NRG3: variants seen among roughly 807,000 people sequenced by gnomAD.
NRG3 encodes the protein pro-neuregulin-3, membrane-bound isoform.
A neutral mutation model predicts 66.9 loss-of-function variants in NRG3; 31 were observed. The observed-to-expected ratio is 0.46, with a 90% confidence interval of 0.35 to 0.63. The LOEUF (loss-of-function observed/expected upper bound fraction) is 0.63. Ranked by LOEUF, NRG3 falls within the 20% of genes least tolerant of loss-of-function variation. The pLI is 0.00. For synonymous variants in NRG3, 393 were observed against 359.4 expected, an observed-to-expected ratio of 1.09 and a Z score of -1.06; for missense variants, 910 against 878.9, an observed-to-expected ratio of 1.04 and a Z score of -0.45.
chr10:82,679,493 G>A (rs958164707), intron 2 of NRG3, among the ~76,000 whole-genome samples: 1 of 152,160 alleles, frequency 6.6e-6, no homozygotes, highest in Non-Finnish European at 1.5e-5. Context: ...GCCAGGAACT[G>A]TTCTAAGTCT....
chr10:81,987,711 G>C (rs1174799014), intron 1 of NRG3, among the ~76,000 whole-genome samples: 1 of 152,180 alleles, frequency 6.6e-6, no homozygotes, highest in African/African-American at 2.4e-5. Flanking sequence ...TATGTGACTA[G>C]GAAATTATCA....
intron 1 of NRG3, among the ~76,000 whole-genome samples, chr10:82,014,209 G>C (rs1405367814): frequency 2.0e-5 from 3 of 152,272 alleles, no homozygotes; most frequent in African/African-American, 4.8e-5. Flanking sequence ...AGACTGGGCA[G>C]TTCCTCTGTG....
At chr10:82,580,597 T>C (rs1339254590) in intron 2 of NRG3, among the ~76,000 whole-genome samples, 2 of 152,046 alleles carry the variant, frequency 1.3e-5, no homozygotes, top group Non-Finnish European at 2.9e-5. Context: ...TATTTTTTAC[T>C]GTCTCTATAG....
At chr10:82,707,749 C>T (rs1250157057) in intron 2 of NRG3, among the ~76,000 whole-genome samples, 1 of 147,500 alleles carries the variant, frequency 6.8e-6, no homozygotes, top group Non-Finnish European at 1.5e-5. Context: ...TGGCTCATGC[C>T]TGTAATTCCA....
At chr10:82,914,544 G>T (rs1258727039) in intron 4 of NRG3, among the ~76,000 whole-genome samples, 1 of 152,048 alleles carries the variant, frequency 6.6e-6, no homozygotes, top group Non-Finnish European at 1.5e-5. Flanking sequence ...CTTCCCTGTT[G>T]TCCTTGGACT....
At position 82,141,963 on chromosome 10, in the gene NRG3, C is replaced by T. The variant is rs143850042; in HGVS notation, c.824-216776C>T. On this transcript the variant is annotated intron_variant, in intron 1 of 8. Coordinates refer to ENST00000372141, the MANE Select transcript of NRG3 (RefSeq NM_001010848.4). ...CTTTATTTGCATTTAGTCACCCAGC[C>T]AAAGGTTCTCACATTTTATGATGCT... Among the ~76,000 whole-genome samples the T allele has an allele frequency of 3.9e-5, 6 of 152,178 alleles. No homozygotes were observed. In the East Asian group the frequency reaches 1.2e-3, roughly 30 times the overall value.
At chr10:82,544,871 A>T (rs532693772) in intron 2 of NRG3, among the ~76,000 whole-genome samples, 1 of 152,372 alleles carries the variant, frequency 6.6e-6, no homozygotes, top group Admixed American at 6.5e-5. Flanking sequence ...CTGTAACTTT[A>T]ACATGAAACC....
chr10:82,277,117 T>G (rs1226940458), intron 1 of NRG3, among the ~76,000 whole-genome samples: 1 of 152,072 alleles, frequency 6.6e-6, no homozygotes, highest in Admixed American at 6.6e-5. Context: ...GCTGCTTCTT[T>G]CAAATTGGTC....
intron 1 of NRG3, among the ~76,000 whole-genome samples, chr10:82,181,661 A>T (rs2073426102): frequency 6.6e-6 from 1 of 151,898 alleles, no homozygotes. Context: ...TGTTAGGACA[A>T]GTCTTGTGAC....
chr10:81,917,610 C>A (rs141585057), intron 1 of NRG3, among the ~76,000 whole-genome samples: 2 of 152,264 alleles, frequency 1.3e-5, no homozygotes, highest in Non-Finnish European at 2.9e-5. Context: ...TAATATGCAA[C>A]ATAACTATTG....
At chr10:82,766,712 C>A (rs560734407) in intron 3 of NRG3, among the ~76,000 whole-genome samples, 1 of 151,862 alleles carries the variant, frequency 6.6e-6, no homozygotes, top group East Asian at 1.9e-4. Context: ...CGCTGATTAC[C>A]TTCTGTAATT....
chr10:82,486,018 T>C (rs1842649345), intron 2 of NRG3, among the ~76,000 whole-genome samples: 1 of 152,208 alleles, frequency 6.6e-6, no homozygotes, highest in African/African-American at 2.4e-5. Flanking sequence ...AAAGAATGCA[T>C]ACAAATGTCC....
At chr10:82,739,804 G>A (rs1230679807) in intron 3 of NRG3, among the ~76,000 whole-genome samples, 1 of 152,154 alleles carries the variant, frequency 6.6e-6, no homozygotes, top group African/African-American at 2.4e-5. Flanking sequence ...TTCCTGAAAT[G>A]TGAGACACAG....
At position 82,714,062 on chromosome 10, in the gene NRG3, T is replaced by C. The variant is rs112507375; in HGVS notation, c.954-24515T>C. 5.0e-3 allele frequency among the ~76,000 whole-genome samples: 768 copies of C among 152,338 alleles called. 6 individuals are homozygous for C. Among genetic ancestry groups the C allele is most frequent in the African/African-American group, 0.018 (734 of 41,574 alleles). On this transcript the variant is annotated intron_variant, in intron 2 of 8. Coordinates refer to ENST00000372141, the MANE Select transcript of NRG3 (RefSeq NM_001010848.4). ...ATTCCATAGTAATATGTATCACCTTTAACTTATGATAACAATCCAGTCCAG... is the reference window on the plus strand; with the variant it reads ...ATTCCATAGTAATATGTATCACCTTCAACTTATGATAACAATCCAGTCCAG...
intron 1 of NRG3, among the ~76,000 whole-genome samples, chr10:82,013,472 A>G (rs566843603): frequency 2.6e-4 from 40 of 152,336 alleles, no homozygotes; most frequent in African/African-American, 8.4e-4. Flanking sequence ...GGTAATATAT[A>G]CAAAGAGAAA....
At chr10:82,347,917 T>C (rs1462358475) in intron 1 of NRG3, among the ~76,000 whole-genome samples, 10 of 152,014 alleles carry the variant, frequency 6.6e-5, no homozygotes, top group Non-Finnish European at 1.2e-4. Flanking sequence ...TTCCATTTGC[T>C]TGGTAGATCT....
At chr10:82,919,260 G>C (rs180865123) in intron 4 of NRG3, among the ~76,000 whole-genome samples, 108 of 152,230 alleles carry the variant, frequency 7.1e-4, no homozygotes, top group African/African-American at 2.6e-3. Context: ...ACATACGTGT[G>C]CACCCTTCTG....
chr10:82,581,570 G>T (rs2046357298), intron 2 of NRG3, among the ~76,000 whole-genome samples: 2 of 152,008 alleles, frequency 1.3e-5, no homozygotes, highest in Non-Finnish European at 2.9e-5. Context: ...TATGTGTGGG[G>T]ATGAGGAGAA....
chr10:82,723,666 G>T (rs545008508), intron 2 of NRG3, among the ~76,000 whole-genome samples: 125 of 152,178 alleles, frequency 8.2e-4, no homozygotes, highest in Non-Finnish European at 1.5e-3. Flanking sequence ...TTAAAAATAA[G>T]ATTTAATGAT....
Sources: allele counts gnomAD v4.1 joint callset (sites outside exome capture counted in the v4.1 genomes callset), GRCh38; gene constraint gnomAD v4.1.1; transcripts MANE v1.5; gene names NCBI Gene and HGNC (gene_info 2026-07-23, HGNC 2026-07-21).